Variants in LYRM4 observed in about 807,000 individuals in gnomAD.
LYRM4 encodes the protein LYR motif containing 4.
LYRM4 carries 9 observed loss-of-function variants against 11.7 expected under a neutral mutation model. That is an observed-to-expected ratio of 0.77 (90% CI 0.46 to 1.34). LYRM4 has a LOEUF of 1.34. Among genes scored for constraint, LYRM4 ranks in the 40% most tolerant of loss-of-function variants. The pLI, the probability that LYRM4 is intolerant of heterozygous loss-of-function variation, is 0.00. For synonymous variants in LYRM4, 42 were observed against 40.4 expected (o/e 1.04, Z -0.15); for missense variants, 133 against 112.5 (o/e 1.18, Z -0.82).
At chr6:5,227,732 C>G (rs1762974679) in intron 1 of LYRM4, among the ~76,000 whole-genome samples, 1 of 152,150 alleles carries the variant, frequency 6.6e-6, no homozygotes, top group African/African-American at 2.4e-5. Context: ...TTGGAACCAA[C>G]CCAAATGCTC....
chr6:5,063,251 G>A, the LYRM4 span, among the ~76,000 whole-genome samples: 1 of 151,992 alleles, frequency 6.6e-6, no homozygotes, highest in Non-Finnish European at 1.5e-5. Context: ...ACCGACTAAA[G>A]CCTTGGTCCT....
At chr6:5,258,001 G>T (rs1244924008) in intron 1 of LYRM4, among the ~76,000 whole-genome samples, 1 of 152,180 alleles carries the variant, frequency 6.6e-6, no homozygotes, top group Non-Finnish European at 1.5e-5. Flanking sequence ...TTCAGAGAAG[G>T]TGACAATTGA....
chr6:5,039,938 C>T, the LYRM4 span, among the ~76,000 whole-genome samples: 13 of 152,258 alleles, frequency 8.5e-5, no homozygotes, highest in South Asian at 2.7e-3. Flanking sequence ...AGCCTAAAAA[C>T]AGACCCACAC....
chr6:5,137,093 G>A (rs1047680973), intron 2 of LYRM4, among the ~76,000 whole-genome samples: 22 of 152,132 alleles, frequency 1.4e-4, no homozygotes, highest in South Asian at 4.1e-4. Context: ...CACACAATGC[G>A]TGACTTTTTG....
chr6:5,076,938 A>G, the LYRM4 span, among the ~76,000 whole-genome samples: 1 of 152,210 alleles, frequency 6.6e-6, no homozygotes, highest in African/African-American at 2.4e-5. Flanking sequence ...AGGTGATACA[A>G]TAATGTCCAG....
intron 2 of LYRM4, among the ~76,000 whole-genome samples, chr6:5,181,737 T>TCTC (rs1760089446): frequency 6.6e-6 from 1 of 152,200 alleles, no homozygotes; most frequent in South Asian, 2.1e-4. Context: ...ACTCTCTTCT[T>TCTC]CCTACTGCTC....
At chr6:5,222,189 A>G (rs533387504) in intron 1 of LYRM4, among the ~76,000 whole-genome samples, 27 of 152,354 alleles carry the variant, frequency 1.8e-4, no homozygotes, top group African/African-American at 5.5e-4. Flanking sequence ...TGTGTCTGGT[A>G]CAGAGAAGAT....
At chr6:5,257,781 G>A (rs149683708) in intron 1 of LYRM4, among the ~76,000 whole-genome samples, 14 of 152,224 alleles carry the variant, frequency 9.2e-5, no homozygotes, top group African/African-American at 3.4e-4. Flanking sequence ...CCCTTGACCC[G>A]GTCCATGGAA....
intron 2 of LYRM4, among the ~76,000 whole-genome samples, chr6:5,200,593 G>C (rs1021020241): frequency 6.6e-6 from 1 of 152,218 alleles, no homozygotes; most frequent in African/African-American, 2.4e-5. Context: ...CCAGAGATCA[G>C]GGAAAGTCAT....
intron 1 of LYRM4, among the ~76,000 whole-genome samples, chr6:5,241,508 C>T (rs139446317): frequency 6.6e-6 from 1 of 152,222 alleles, no homozygotes; most frequent in Non-Finnish European, 1.5e-5. Context: ...GCTTTTGATC[C>T]CTGGAATCAG....
At chr6:5,055,980 CTCTT>C in the LYRM4 span, among the ~76,000 whole-genome samples, 3 of 150,304 alleles carry the variant, frequency 2.0e-5, no homozygotes, top group African/African-American at 7.5e-5. This position sits in a 1 kb window ranked among gnomAD's most constrained non-coding sequence, Gnocchi z 4.5. Context: ...TTCTTTCTCT[CTCTT>C]TCTTTCATCT....
the LYRM4 span, among the ~76,000 whole-genome samples, chr6:5,059,970 T>G: frequency 6.6e-6 from 1 of 152,184 alleles, no homozygotes; most frequent in Non-Finnish European, 1.5e-5. Flanking sequence ...CTGGCTTTAA[T>G]CTATCTTTTG....
intron 1 of LYRM4, among the ~76,000 whole-genome samples, chr6:5,217,503 C>T (rs1041983345): frequency 6.6e-6 from 1 of 152,176 alleles, no homozygotes; most frequent in South Asian, 2.1e-4. Flanking sequence ...AACACAAGGC[C>T]GTGTCTCCTC....
chr6:5,145,836 G>T (rs1275209343), intron 2 of LYRM4, among the ~76,000 whole-genome samples: 2 of 152,004 alleles, frequency 1.3e-5, no homozygotes, highest in East Asian at 3.8e-4. Flanking sequence ...ACTCAAGCCC[G>T]CAAACCAGCA....
At chr6:5,106,111 G>C (rs938520960), downstream of LYRM4, 1 of 152,200 alleles carries the variant, frequency 6.6e-6, no homozygotes, top group Non-Finnish European at 1.5e-5. Context: ...TCCCTGGCCC[G>C]TCCCATCGGC....
At chr6:5,118,094 A>ATATATATATTTTTTTTT in intron 2 of LYRM4, among the ~76,000 whole-genome samples, 920 of 85,866 alleles carry the variant, frequency 0.011, 14 homozygotes, top group Non-Finnish European at 0.015. Flanking sequence ...ATATATATAT[A>ATATATATATTTTTTTTT]TTTTTGTTTT....
rs1447993746 is a variant in LYRM4, at chr6:5,183,638, A to G, written c.207+32980T>C. On this transcript the variant is annotated intron_variant, in intron 2 of 2. Transcript: ENST00000330636. Reference sequence around the variant, plus strand: ...ACCTCAGTTCTCTCTCTATTCCCACACCCCTCTTCTCCCCCTTTAGACCGA... The same window carrying G: ...ACCTCAGTTCTCTCTCTATTCCCACGCCCCTCTTCTCCCCCTTTAGACCGA... Among the ~76,000 whole-genome samples the G allele has an allele frequency of 2.0e-5, 3 of 152,104 alleles. No individual in the cohort carries two copies. The East Asian group carries it at 5.8e-4, about 29-fold the overall frequency.
At chr6:5,112,037 GCAGA>G (rs1263225759) in intron 2 of LYRM4, among the ~76,000 whole-genome samples, 2 of 152,230 alleles carry the variant, frequency 1.3e-5, no homozygotes, top group Non-Finnish European at 2.9e-5. Flanking sequence ...GACAGTCGTG[GCAGA>G]CAGGGAGGGG....
chr6:5,049,919 C>T, the LYRM4 span, among the ~76,000 whole-genome samples: 10 of 152,208 alleles, frequency 6.6e-5, no homozygotes, highest in South Asian at 2.1e-4. Flanking sequence ...CTGCCTGCCT[C>T]GGCCTCTTGA....
Sources: allele counts gnomAD v4.1 joint callset (sites outside exome capture counted in the v4.1 genomes callset), GRCh38; gene constraint gnomAD v4.1.1; non-coding constraint Gnocchi (gnomAD v3.1); transcripts MANE v1.5; gene names NCBI Gene and HGNC (gene_info 2026-07-23, HGNC 2026-07-21).